Variants in TET3 observed in about 807,000 individuals in gnomAD.
The protein encoded by TET3 is tet methylcytosine dioxygenase 3.
A neutral mutation model predicts 141.4 loss-of-function variants in TET3; 19 were observed. That is an observed-to-expected ratio of 0.13 (90% CI 0.09 to 0.20). The LOEUF is 0.20. Ranked by LOEUF, TET3 falls within the 10% of genes least tolerant of loss-of-function variation. TET3 has a pLI of 1.00. For missense variants in TET3, 1,874 were observed against 2,356.9 expected (o/e 0.80, Z 4.24); for synonymous variants, 1,043 against 980.9 (o/e 1.06, Z -1.18).
At chr2:74,013,459 T>C (rs1282148129) in intron 3 of TET3, among the ~76,000 whole-genome samples, 1 of 152,212 alleles carries the variant, frequency 6.6e-6, no homozygotes, top group African/African-American at 2.4e-5. Flanking sequence ...GTGAAGGCTT[T>C]TCTTCTTTAT....
At position 74,105,522 on chromosome 2, in the gene TET3, G is replaced by A. The variant is rs1233854741; in HGVS notation, c.*3346G>A. The stretch of plus-strand genomic sequence containing the variant: ...CTTTCGGTTTTTGGTTTTGGGTCTG[G>A]CTTTTAGCAGGGCCAATGTTTCCCA... On this transcript the variant is annotated 3_prime_UTR_variant, in exon 12 of 12. Coordinates refer to ENST00000409262, the MANE Select transcript of TET3 (RefSeq NM_001287491.2). The A allele has an allele frequency of 7.5e-6, 3 of 398,064 alleles. No individual in the cohort carries two copies. Among genetic ancestry groups the A allele is most frequent in the African/African-American group, 4.1e-5 (2 of 48,570 alleles). 24.7% of individuals were successfully genotyped at this position (398,064 alleles called of 1,614,324 possible). A position where few individuals can be genotyped will look rare whatever the true frequency, so the allele number is the denominator to read the frequency against.
intron 4 of TET3, among the ~76,000 whole-genome samples, chr2:74,062,718 C>T (rs777015021): frequency 2.0e-5 from 3 of 151,788 alleles, no homozygotes; most frequent in Non-Finnish European, 2.9e-5. Flanking sequence ...CATAAAATGC[C>T]GGAAATATAT....
chr2:74,102,283 T>G lies in TET3; in HGVS notation c.*107T>G. On this transcript the variant is annotated 3_prime_UTR_variant, in exon 12 of 12. Transcript: ENST00000409262. ...GGTTGGGGGTGCAGAAGTCTTTTTA[T>G]CTCTATATACATATATAGATGCGCA... The G allele has an allele frequency of 7.4e-7, 1 of 1,348,778 alleles. No homozygotes were observed. Among genetic ancestry groups the G allele is most frequent in the Non-Finnish European group, 9.5e-7 (1 of 1,052,506 alleles). The allele number at this position is 1,348,778 out of a possible 1,614,324, so 83.6% of individuals were successfully genotyped here.
chr2:74,008,263 T>C (rs1186693332), intron 3 of TET3, among the ~76,000 whole-genome samples: 1 of 152,200 alleles, frequency 6.6e-6, no homozygotes, highest in East Asian at 1.9e-4. Flanking sequence ...AAAGATTTAC[T>C]TGCATCTCAG....
At chr2:74,066,656 G>T (rs1168060336) in intron 4 of TET3, among the ~76,000 whole-genome samples, 1 of 152,170 alleles carries the variant, frequency 6.6e-6, no homozygotes, top group African/African-American at 2.4e-5. Context: ...CTTTGGTTTT[G>T]TTTGGCACTT....
At chr2:74,072,676 C>T (rs1016310883) in intron 4 of TET3, among the ~76,000 whole-genome samples, 5 of 152,150 alleles carry the variant, frequency 3.3e-5, no homozygotes, top group African/African-American at 1.2e-4. Context: ...TATTGTGCAA[C>T]TGACACCACT....
At position 74,076,612 on chromosome 2, in the gene TET3, T is replaced by C. The variant is rs1248315662; in HGVS notation, c.2585+2973T>C. On this transcript the variant is annotated intron_variant, in intron 5 of 11. Coordinates refer to ENST00000409262, the MANE Select transcript of TET3 (RefSeq NM_001287491.2). ...GTATTTTGTGTACCAGCATACCTTT[T>C]TTTTTTTTTGCCCTTTACTCTGATT... Among the ~76,000 whole-genome samples, 5 of 152,122 alleles carry C rather than the reference T, an allele frequency of 3.3e-5. No individual in the cohort carries two copies. In the East Asian group the frequency reaches 5.8e-4, roughly 18 times the overall value.
At chr2:74,109,300 A>G (rs1691645605), downstream of TET3, among the ~76,000 whole-genome samples, 1 of 152,112 alleles carries the variant, frequency 6.6e-6, no homozygotes, top group African/African-American at 2.4e-5. Flanking sequence ...CTTAAAAGTT[A>G]TCTGAAATCC....
the TET3 span, among the ~76,000 whole-genome samples, chr2:74,118,473 A>T: frequency 3.3e-5 from 5 of 152,174 alleles, no homozygotes; most frequent in Non-Finnish European, 5.9e-5. Flanking sequence ...TTTTCTTAAT[A>T]TTTTCTTTTC....
At chr2:74,076,441 G>GTTTTTTTTTTTTTTTTTTTTTTTTTTTTT (rs70965785) in intron 5 of TET3, among the ~76,000 whole-genome samples, 2 of 56,584 alleles carry the variant, frequency 3.5e-5, no homozygotes, top group African/African-American at 6.2e-5. Context: ...ATTCCTCTGG[G>GTTTTTTTTTTTTTTTTTTTTTTTTTTTTT]TTTTTTTTTT....
At chr2:74,097,812 G>A (rs1420364615) in intron 10 of TET3, among the ~76,000 whole-genome samples, 2 of 152,106 alleles carry the variant, frequency 1.3e-5, no homozygotes, top group Admixed American at 6.5e-5. Flanking sequence ...GATGGCGAGG[G>A]GGTGTGAGCT....
chr2:74,093,503 G>C lies in TET3; in HGVS notation c.3130-26G>C. The C allele has an allele frequency of 6.3e-7, 1 of 1,577,890 alleles. No homozygotes were observed. ...GGGCCACTCACCTCAGGTCATGTGA[G>C]CACCTCTCCTTGGCTGTCTACACAG... is the stretch of plus-strand genomic sequence containing the variant. On this transcript the variant is annotated intron_variant, in intron 9 of 11. Transcript: ENST00000409262. The surrounding 1 kb of genome is among the most constrained non-coding windows in gnomAD (Gnocchi z 4.2).
the TET3 span, among the ~76,000 whole-genome samples, chr2:74,124,434 GTACCCAACA>G: frequency 6.6e-5 from 10 of 152,234 alleles, no homozygotes; most frequent in Non-Finnish European, 1.5e-4. Flanking sequence ...TCTGGGAGGT[GTACCCAACA>G]GCTCATTGAG....
chr2:74,128,074 T>C, the TET3 span, among the ~76,000 whole-genome samples: 1 of 152,228 alleles, frequency 6.6e-6, no homozygotes, highest in African/African-American at 2.4e-5. Context: ...ATAGAAGCCT[T>C]CTCTAACCTT....
rs150530339 is a variant in TET3 at position 74,093,744 on chromosome 2, A to C, written c.3267+78A>C. On this transcript the variant is annotated intron_variant, in intron 10 of 11. Coordinates refer to ENST00000409262, the MANE Select transcript of TET3 (RefSeq NM_001287491.2). This position sits in a 1 kb window ranked among gnomAD's most constrained non-coding sequence, Gnocchi z 4.2. Reference sequence around the variant, plus strand: ...TCCACCGTGGTCTTTTCAGAAAGGCAGGCTGAGGGTAGGGAGGGACCTGGA... The same window carrying C: ...TCCACCGTGGTCTTTTCAGAAAGGCCGGCTGAGGGTAGGGAGGGACCTGGA... The C allele has an allele frequency of 3.4e-4, 493 of 1,455,044 alleles. 1 individual carries two copies. In the African/African-American group the frequency reaches 6.3e-3, roughly 19 times the overall value. The allele number at this position is 1,455,044 out of a possible 1,614,324, so 90.1% of individuals were successfully genotyped here.
chr2:74,026,529 A>C (rs1412458035), intron 3 of TET3, among the ~76,000 whole-genome samples: 1 of 152,218 alleles, frequency 6.6e-6, no homozygotes. Flanking sequence ...TTACAAGGGC[A>C]GTGCTTAACA....
intron 4 of TET3, among the ~76,000 whole-genome samples, chr2:74,056,747 G>T (rs778538188): frequency 6.6e-6 from 1 of 152,150 alleles, no homozygotes; most frequent in Non-Finnish European, 1.5e-5. Context: ...CCTGGTGAAA[G>T]GAACCAAATC....
intron 2 of TET3, among the ~76,000 whole-genome samples, chr2:73,997,800 CTG>C (rs1558696661): frequency 6.6e-6 from 1 of 152,192 alleles, no homozygotes; most frequent in African/African-American, 2.4e-5. Context: ...CACATTAACT[CTG>C]TGTGTCCTTA....
the TET3 span, among the ~76,000 whole-genome samples, chr2:74,119,401 A>G: frequency 2.6e-5 from 4 of 152,032 alleles, no homozygotes; most frequent in East Asian, 7.7e-4. Context: ...ACTCAAGTCA[A>G]TTGCTTTGCA....
Sources: gnomAD v4.1 joint callset for allele counts (sites outside exome capture counted in the v4.1 genomes callset) on GRCh38, gnomAD v4.1.1 for gene constraint, Gnocchi (gnomAD v3.1) non-coding constraint, MANE v1.5 for transcripts, NCBI Gene and HGNC (gene_info 2026-07-23, HGNC 2026-07-21) for gene names.